NRXN3: variants seen among roughly 807,000 people sequenced by gnomAD.
NRXN3 encodes neurexin III.
Under a neutral mutation model 137.6 loss-of-function variants are expected in NRXN3, and 32 were observed. The ratio of observed to expected loss-of-function variants is 0.23; its 90% confidence interval spans 0.18 to 0.31. The LOEUF (loss-of-function observed/expected upper bound fraction) is 0.31, where lower values mean the gene tolerates loss of function less well. Among genes scored for constraint, NRXN3 ranks in the 10% least tolerant of loss-of-function variants. The pLI, the probability that NRXN3 is intolerant of heterozygous loss-of-function variation, is 1.00. For missense variants in NRXN3, 1,574 were observed against 2,062.5 expected (o/e 0.76, Z 4.59); for synonymous variants, 798 against 784.5 (o/e 1.02, Z -0.29).
intron 12 of NRXN3, 30 bp downstream of exon 12, chr14:78,966,436 G>T: frequency 6.3e-7 from 1 of 1,591,230 alleles, no homozygotes; most frequent in South Asian, 1.1e-5. Flanking sequence ...ACTTATGTTG[G>T]ACACCTTTAA....
chr14:78,445,785 A>G (rs1005806720), intron 4 of NRXN3, among the ~76,000 whole-genome samples: 4 of 152,172 alleles, frequency 2.6e-5, no homozygotes, highest in Non-Finnish European at 4.4e-5. Flanking sequence ...TCATTTTTGT[A>G]GTTTGGTCTC....
chr14:79,290,261 G>T (rs1220494113), intron 15 of NRXN3, among the ~76,000 whole-genome samples: 1 of 152,128 alleles, frequency 6.6e-6, no homozygotes, highest in Non-Finnish European at 1.5e-5. Flanking sequence ...TTTCTGTGTG[G>T]CACATTTAAA....
intron 1 of NRXN3, among the ~76,000 whole-genome samples, chr14:78,219,462 G>A (rs1439997626): frequency 2.6e-5 from 4 of 151,934 alleles, no homozygotes; most frequent in Admixed American, 2.0e-4. Flanking sequence ...CTCAAAGGCC[G>A]ACCAATAAAG....
chr14:78,300,108 G>C lies in NRXN3; in HGVS notation c.757+2248G>C, dbSNP rs146670325. Reference sequence around the variant, plus strand: ...TATTCCTTCAACATGAAAAAAGGAGGCTTCTGTCTGGTTTCTGCTGAATCT... The same window carrying C: ...TATTCCTTCAACATGAAAAAAGGAGCCTTCTGTCTGGTTTCTGCTGAATCT... On this transcript the variant is annotated intron_variant, in intron 4 of 20. Transcript: ENST00000335750. Among the ~76,000 whole-genome samples, 1,483 of 152,172 alleles carry C rather than the reference G, an allele frequency of 9.7e-3. 23 individuals carry two copies. The highest frequency in any genetic ancestry group is 0.033 in the African/African-American group (1,387 of 41,506).
intron 10 of NRXN3, among the ~76,000 whole-genome samples, chr14:78,852,315 ATTC>A (rs1335329675): frequency 6.6e-6 from 1 of 152,144 alleles, no homozygotes; most frequent in African/African-American, 2.4e-5. Context: ...GTGGTTTATT[ATTC>A]TTGTTGCTGC....
intron 20 of NRXN3, among the ~76,000 whole-genome samples, chr14:79,819,190 C>G (rs1329542530): frequency 6.6e-6 from 1 of 152,162 alleles, no homozygotes; most frequent in Non-Finnish European, 1.5e-5. Flanking sequence ...AGTCCCTGCC[C>G]TATCTCCTCA....
intron 4 of NRXN3, among the ~76,000 whole-genome samples, chr14:78,344,391 C>T (rs368498681): frequency 6.6e-6 from 1 of 152,322 alleles, no homozygotes; most frequent in African/African-American, 2.4e-5. Flanking sequence ...AGGATTCTCT[C>T]ACATGACAAC....
At chr14:78,419,945 G>GCA (rs1491120588) in intron 4 of NRXN3, among the ~76,000 whole-genome samples, 185 of 5,224 alleles carry the variant, frequency 0.035, no homozygotes, top group East Asian at 0.29. Context: ...GCACGTGTGT[G>GCA]CGCGCGCGCG....
chr14:79,355,940 A>G (rs1182621212), intron 15 of NRXN3, among the ~76,000 whole-genome samples: 1 of 152,180 alleles, frequency 6.6e-6, no homozygotes, highest in Admixed American at 6.5e-5. Flanking sequence ...TCCTTTATAT[A>G]TGATATAATT....
At chr14:79,371,187 C>G (rs911467204) in intron 15 of NRXN3, among the ~76,000 whole-genome samples, 9 of 152,198 alleles carry the variant, frequency 5.9e-5, no homozygotes, top group Admixed American at 5.9e-4. Flanking sequence ...CATAATCCAT[C>G]ATCTCCTGAA....
chr14:78,645,085 A>C, intron 4 of NRXN3, 35 bp from the exon 5 acceptor site: 2 of 1,502,792 alleles, frequency 1.3e-6, no homozygotes, highest in Non-Finnish European at 1.8e-6. Flanking sequence ...TTGCCAGACA[A>C]GTGCTGATTG....
intron 19 of NRXN3, among the ~76,000 whole-genome samples, chr14:79,749,436 GTT>G (rs112453553): frequency 3.4e-5 from 5 of 148,432 alleles, no homozygotes; most frequent in African/African-American, 2.5e-5. Flanking sequence ...CTTCAGTGTT[GTT>G]TTTTTTTTTG....
At chr14:79,091,466 C>T (rs1165711324) in intron 15 of NRXN3, among the ~76,000 whole-genome samples, 2 of 152,078 alleles carry the variant, frequency 1.3e-5, no homozygotes, top group African/African-American at 4.8e-5. Flanking sequence ...GAGGTTTTTC[C>T]CACCCCTTTC....
intron 15 of NRXN3, among the ~76,000 whole-genome samples, chr14:79,149,896 G>A (rs1402007821): frequency 6.6e-6 from 1 of 151,994 alleles, no homozygotes; most frequent in African/African-American, 2.4e-5. Flanking sequence ...AATAGCTAAT[G>A]CATGCTGGGC....
intron 15 of NRXN3, among the ~76,000 whole-genome samples, chr14:79,050,815 C>T (rs527463226): frequency 1.3e-5 from 2 of 152,194 alleles, no homozygotes; most frequent in South Asian, 4.1e-4. Context: ...TCCTTATTCC[C>T]TGGATTCTCC....
At position 78,432,300 on chromosome 14, in the gene NRXN3, G is replaced by GT. The variant is rs3037827; in HGVS notation, c.757+134454dup. Among the ~76,000 whole-genome samples the GT allele has an allele frequency of 9.7e-3, 1,382 of 142,346 alleles. 9 individuals are homozygous for GT. Among genetic ancestry groups the GT allele is most frequent in the Non-Finnish European group, 0.013 (847 of 64,864 alleles). 93.4% of individuals were successfully genotyped at this position (142,346 alleles called of 152,430 possible). On this transcript the variant is annotated intron_variant, in intron 4 of 20. Transcript: ENST00000335750. ...ACCCATCTTCCAAAGCTGCACTCAG[G>GT]TTTTTTTTTTTTTTGACATGTCTCA... is the stretch of plus-strand genomic sequence containing the variant.
chr14:78,380,608 C>A (rs2088898048), intron 4 of NRXN3, among the ~76,000 whole-genome samples: 2 of 152,110 alleles, frequency 1.3e-5, no homozygotes, highest in South Asian at 4.2e-4. Context: ...AGAAAAGATT[C>A]TTCCCTAAAA....
chr14:79,175,776 G>A (rs947808689), intron 15 of NRXN3, among the ~76,000 whole-genome samples: 1 of 152,140 alleles, frequency 6.6e-6, no homozygotes, highest in East Asian at 1.9e-4. Context: ...CCAGAGCTTC[G>A]GCTTCTGGGT....
chr14:79,790,365 C>A (rs931964058), intron 19 of NRXN3, among the ~76,000 whole-genome samples: 1 of 151,870 alleles, frequency 6.6e-6, no homozygotes, highest in Non-Finnish European at 1.5e-5. Flanking sequence ...GAGGGTGGCA[C>A]GATCATGGCT....
Sources: gnomAD v4.1 joint callset for allele counts (sites outside exome capture counted in the v4.1 genomes callset) on GRCh38, gnomAD v4.1.1 for gene constraint, MANE v1.5 for transcripts, NCBI Gene and HGNC (gene_info 2026-07-23, HGNC 2026-07-21) for gene names.